Variants in RBMS3 observed in about 807,000 individuals in gnomAD.
RBMS3 encodes RNA-binding motif, single-stranded-interacting protein 3.
Under a neutral mutation model 66.8 loss-of-function variants are expected in RBMS3, and 27 were observed. The ratio of observed to expected loss-of-function variants is 0.40; its 90% CI spans 0.30 to 0.56. The LOEUF (loss-of-function observed/expected upper bound fraction) is 0.56. Among genes scored for constraint, RBMS3 ranks in the 20% least tolerant of loss-of-function variants. The probability of loss-of-function intolerance (pLI) is 0.40; values close to 1 mark genes in which losing one functional copy is unlikely to be tolerated. For missense variants in RBMS3, 513 were observed against 549.5 expected, an observed-to-expected ratio of 0.93 and a Z score of 0.66; for synonymous variants, 188 against 183.0, an observed-to-expected ratio of 1.03 and a Z score of -0.22.
intron 14 of RBMS3, among the ~76,000 whole-genome samples, chr3:29,998,405 G>GA (rs1406251056): frequency 6.6e-6 from 1 of 151,592 alleles, no homozygotes; most frequent in Non-Finnish European, 1.5e-5. Context: ...CACAGAATTG[G>GA]AAAAAACTAC....
At chr3:29,771,046 AG>A (rs2056178527) in intron 6 of RBMS3, among the ~76,000 whole-genome samples, 1 of 152,000 alleles carries the variant, frequency 6.6e-6, no homozygotes, top group Non-Finnish European at 1.5e-5. Flanking sequence ...TAGAATGAAA[AG>A]TCTGCAAAAC....
chr3:29,398,477 G>C (rs2039654449), intron 1 of RBMS3, among the ~76,000 whole-genome samples: 1 of 152,144 alleles, frequency 6.6e-6, no homozygotes, highest in South Asian at 2.1e-4. Context: ...CCAGCTATTG[G>C]AGTAAATAAA....
At chr3:29,526,520 C>CAAAAAAAAAAAAA (rs61483868) in intron 3 of RBMS3, among the ~76,000 whole-genome samples, 2 of 35,950 alleles carry the variant, frequency 5.6e-5, no homozygotes, top group Non-Finnish European at 1.1e-4. Flanking sequence ...GACTCCATCT[C>CAAAAAAAAAAAAA]AAAAAAAAAA....
At chr3:29,867,154 T>C (rs2059383037) in intron 6 of RBMS3, among the ~76,000 whole-genome samples, 2 of 152,136 alleles carry the variant, frequency 1.3e-5, no homozygotes, top group Admixed American at 6.5e-5. Flanking sequence ...CTTTTTCCAC[T>C]GTTGATTTTG....
intron 1 of RBMS3, among the ~76,000 whole-genome samples, chr3:29,360,438 A>C (rs1321671116): frequency 2.6e-5 from 4 of 151,924 alleles, no homozygotes; most frequent in Non-Finnish European, 5.9e-5. Context: ...CTGTTCTTTT[A>C]CATTTGCTGA....
At chr3:29,581,821 T>C (rs993043577) in intron 3 of RBMS3, among the ~76,000 whole-genome samples, 5 of 152,154 alleles carry the variant, frequency 3.3e-5, no homozygotes, top group Non-Finnish European at 7.4e-5. Context: ...CTTGGCTCAC[T>C]GTTGATGGCC....
At chr3:29,725,909 A>G (rs1326421780) in intron 4 of RBMS3, among the ~76,000 whole-genome samples, 3 of 152,168 alleles carry the variant, frequency 2.0e-5, no homozygotes, top group South Asian at 4.1e-4. Flanking sequence ...ACAACAAAAA[A>G]GAAAATTTCA....
At chr3:29,967,821 C>T (rs1577273920) in intron 12 of RBMS3, among the ~76,000 whole-genome samples, 1 of 152,048 alleles carries the variant, frequency 6.6e-6, no homozygotes, top group African/African-American at 2.4e-5. Context: ...AATACTGTTT[C>T]ATTTCTTAGT....
At chr3:29,746,958 T>C (rs1214981348) in intron 5 of RBMS3, among the ~76,000 whole-genome samples, 1 of 152,164 alleles carries the variant, frequency 6.6e-6, no homozygotes, top group Non-Finnish European at 1.5e-5. Context: ...CTGGGGGAGC[T>C]TTGTTACCTC....
At chr3:29,564,072 G>C (rs1415449312) in intron 3 of RBMS3, among the ~76,000 whole-genome samples, 5 of 151,520 alleles carry the variant, frequency 3.3e-5, no homozygotes, top group Admixed American at 3.3e-4. Flanking sequence ...AAGAAAAGAA[G>C]GAAAGAAAAT....
chr3:29,452,831 T>A, intron 2 of RBMS3, among the ~76,000 whole-genome samples: 1 of 152,146 alleles, frequency 6.6e-6, no homozygotes, highest in East Asian at 1.9e-4. Flanking sequence ...ATAAACAGAA[T>A]AAGTTAAGGT....
intron 2 of RBMS3, among the ~76,000 whole-genome samples, chr3:29,475,472 A>T (rs2042911873): frequency 6.6e-6 from 1 of 152,022 alleles, no homozygotes; most frequent in African/African-American, 2.4e-5. Flanking sequence ...CTGGTCACGA[A>T]CCCTTGAGCT....
At chr3:29,624,820 C>T (rs77464630) in intron 4 of RBMS3, among the ~76,000 whole-genome samples, 2,045 of 152,094 alleles carry the variant, frequency 0.013, 33 homozygotes, top group African/African-American at 0.041. Context: ...CAGTGTATGA[C>T]GATATCTTTT....
chr3:29,326,529 A>G (rs2035345583), intron 1 of RBMS3, among the ~76,000 whole-genome samples: 1 of 152,166 alleles, frequency 6.6e-6, no homozygotes, highest in African/African-American at 2.4e-5. Flanking sequence ...TACCCCTATT[A>G]TAAATCTAGT....
At chr3:29,870,544 G>A (rs2059466333) in intron 7 of RBMS3, among the ~76,000 whole-genome samples, 1 of 152,024 alleles carries the variant, frequency 6.6e-6, no homozygotes, top group Admixed American at 6.6e-5. Context: ...TACATTTCTT[G>A]AAAATGGAAT....
intron 10 of RBMS3, among the ~76,000 whole-genome samples, chr3:29,908,520 T>A (rs190625239): frequency 6.6e-6 from 1 of 152,276 alleles, no homozygotes; most frequent in East Asian, 1.9e-4. Flanking sequence ...TTTTTAGGTA[T>A]GAGCAAGTTG....
chr3:29,471,718 G>GTTTTTTTT, intron 2 of RBMS3, among the ~76,000 whole-genome samples: 1 of 71,166 alleles, frequency 1.4e-5, no homozygotes, highest in Non-Finnish European at 2.7e-5. Context: ...TGAGGACTTA[G>GTTTTTTTT]TTTTTTTTTT....
intron 5 of RBMS3, among the ~76,000 whole-genome samples, chr3:29,748,056 T>C (rs2055004830): frequency 6.6e-6 from 1 of 152,010 alleles, no homozygotes; most frequent in Admixed American, 6.6e-5. Context: ...CATAGGGGTG[T>C]AATAGAGAGT....
At chr3:29,822,174 T>A (rs888264524) in intron 6 of RBMS3, among the ~76,000 whole-genome samples, 1 of 152,182 alleles carries the variant, frequency 6.6e-6, no homozygotes, top group Non-Finnish European at 1.5e-5. Flanking sequence ...ACACACTTCA[T>A]CCTTCAGAAC....
Sources: gnomAD v4.1 joint callset for allele counts (sites outside exome capture counted in the v4.1 genomes callset) on GRCh38, gnomAD v4.1.1 for gene constraint, MANE v1.5 for transcripts, NCBI Gene and HGNC (gene_info 2026-07-23, HGNC 2026-07-21) for gene names.